The following SUMF1 variants were observed in gnomAD, a reference collection of about 807,000 sequenced individuals.
SUMF1 encodes sulfatase modifying factor 1.
A neutral mutation model predicts 47.6 loss-of-function variants in SUMF1; 48 were observed. The ratio of observed to expected loss-of-function variants is 1.01; its 90% CI spans 0.80 to 1.28. SUMF1 has a LOEUF of 1.28. SUMF1 is among the 50% of genes most tolerant of loss of function. The pLI is 0.00. For synonymous variants in SUMF1, 230 were observed against 192.1 expected (o/e 1.20, Z -1.63); for missense variants, 571 against 485.4 (o/e 1.18, Z -1.66).
intron 1 of SUMF1, among the ~76,000 whole-genome samples, chr3:4,456,437 A>G (rs1335558178): frequency 6.7e-6 from 1 of 148,276 alleles, no homozygotes; most frequent in Non-Finnish European, 1.5e-5. Context: ...CTGACTGTAG[A>G]TGCCATGTTT....
intron 8 of SUMF1, among the ~76,000 whole-genome samples, chr3:4,135,152 T>G (rs1387321561): frequency 1.3e-5 from 2 of 152,034 alleles, no homozygotes; most frequent in African/African-American, 2.4e-5. Flanking sequence ...TACCAAAGCC[T>G]GGCAGAGACA....
intron 8 of SUMF1, among the ~76,000 whole-genome samples, chr3:4,085,854 A>G (rs1692660592): frequency 6.7e-6 from 1 of 150,092 alleles, no homozygotes; most frequent in South Asian, 2.1e-4. Flanking sequence ...CTACAAAAAT[A>G]GACAATACTC....
intron 8 of SUMF1, among the ~76,000 whole-genome samples, chr3:4,114,389 T>C (rs1693376812): frequency 6.6e-6 from 1 of 152,118 alleles, no homozygotes; most frequent in Non-Finnish European, 1.5e-5. Context: ...CTCTAAATTC[T>C]AGTGTAATTC....
At chr3:4,282,265 T>C (rs1278117791) in intron 8 of SUMF1, among the ~76,000 whole-genome samples, 3 of 152,052 alleles carry the variant, frequency 2.0e-5, no homozygotes, top group East Asian at 3.9e-4. Flanking sequence ...CACATTCAGA[T>C]GAATACAAGG....
intron 8 of SUMF1, among the ~76,000 whole-genome samples, chr3:4,343,636 C>T (rs1007600862): frequency 6.6e-6 from 1 of 152,222 alleles, no homozygotes; most frequent in South Asian, 2.1e-4. Context: ...GCTGAGCTAC[C>T]TTGGCTGTTC....
chr3:4,057,345 A>T (rs61741443), intron 9 of SUMF1, among the ~76,000 whole-genome samples: 7,152 of 152,118 alleles, frequency 0.047, 600 homozygotes, highest in African/African-American at 0.16. Flanking sequence ...CTCACTGCAT[A>T]AGGCGTGAGT....
chr3:4,449,658 A>G (rs1301437285), intron 2 of SUMF1, among the ~76,000 whole-genome samples: 3 of 152,244 alleles, frequency 2.0e-5, no homozygotes, highest in Non-Finnish European at 2.9e-5. Context: ...TCTGGGAAAT[A>G]GTATTCTGTA....
intron 8 of SUMF1, among the ~76,000 whole-genome samples, chr3:4,093,145 A>G (rs1692823855): frequency 6.6e-6 from 1 of 152,140 alleles, no homozygotes; most frequent in East Asian, 1.9e-4. Context: ...CTTTGCCTAT[A>G]AAATGGAGAT....
chr3:4,149,843 T>C (rs1694278378), intron 8 of SUMF1, among the ~76,000 whole-genome samples: 1 of 152,088 alleles, frequency 6.6e-6, no homozygotes. Context: ...GCCAACGAAG[T>C]TCTGCTTGTT....
chr3:4,132,140 C>T (rs540409442), intron 8 of SUMF1, among the ~76,000 whole-genome samples: 4 of 152,228 alleles, frequency 2.6e-5, no homozygotes, highest in South Asian at 2.1e-4. Flanking sequence ...ACACTTACTC[C>T]GGATATAGAT....
chr3:4,388,494 TG>T (rs1339821227), intron 7 of SUMF1, among the ~76,000 whole-genome samples: 11 of 152,240 alleles, frequency 7.2e-5, no homozygotes, highest in Admixed American at 4.6e-4. Flanking sequence ...ATAATTAGGT[TG>T]TTTTTTTAAT....
At chr3:4,213,902 T>C (rs1422986635) in intron 8 of SUMF1, among the ~76,000 whole-genome samples, 2 of 152,142 alleles carry the variant, frequency 1.3e-5, no homozygotes, top group African/African-American at 4.8e-5. Flanking sequence ...GGATCCAGAT[T>C]CATAAAGCAA....
At chr3:4,412,666 C>T (rs1190707148) in intron 6 of SUMF1, among the ~76,000 whole-genome samples, 3 of 152,022 alleles carry the variant, frequency 2.0e-5, no homozygotes, top group Admixed American at 6.6e-5. Flanking sequence ...AGCAGATCAC[C>T]TGGGGTCAAG....
chr3:4,213,932 G>C (rs999171288), intron 8 of SUMF1, among the ~76,000 whole-genome samples: 9 of 152,142 alleles, frequency 5.9e-5, no homozygotes, highest in African/African-American at 1.9e-4. Flanking sequence ...GACCTACAAA[G>C]AGACTCAGAC....
downstream of SUMF1, among the ~76,000 whole-genome samples, chr3:4,356,496 C>A (rs557435486): frequency 6.6e-6 from 1 of 152,206 alleles, no homozygotes; most frequent in African/African-American, 2.4e-5. Flanking sequence ...CCTGGGCAAG[C>A]CACGACCCTT....
intron 8 of SUMF1, among the ~76,000 whole-genome samples, chr3:4,166,756 C>A (rs1341171958): frequency 6.6e-6 from 1 of 152,070 alleles, no homozygotes; most frequent in Non-Finnish European, 1.5e-5. Flanking sequence ...CAGGGCCAAC[C>A]AACTTTTTTT....
At chr3:4,178,668 A>C (rs1316586518) in intron 8 of SUMF1, among the ~76,000 whole-genome samples, 2 of 152,196 alleles carry the variant, frequency 1.3e-5, no homozygotes, top group Non-Finnish European at 2.9e-5. Context: ...CCTATTCAAC[A>C]TAGTGTTGGA....
chr3:4,285,956 ACTAG>A (rs1697624811), intron 8 of SUMF1, among the ~76,000 whole-genome samples: 1 of 152,142 alleles, frequency 6.6e-6, no homozygotes, highest in Admixed American at 6.5e-5. Context: ...ATAAATCCTA[ACTAG>A]GTCCCCCACC....
downstream of SUMF1, among the ~76,000 whole-genome samples, chr3:4,357,854 C>A (rs532558620): frequency 6.6e-6 from 1 of 152,096 alleles, no homozygotes; most frequent in African/African-American, 2.4e-5. Context: ...CTGATCCACC[C>A]GCCTCGGCCT....
Sources: gnomAD v4.1 joint callset for allele counts (sites outside exome capture counted in the v4.1 genomes callset) on GRCh38, gnomAD v4.1.1 for gene constraint, MANE v1.5 for transcripts, NCBI Gene and HGNC (gene_info 2026-07-23, HGNC 2026-07-21) for gene names.